ZNF561: variants seen among roughly 807,000 people sequenced by gnomAD.
ZNF561 encodes zinc finger protein 561.
In ZNF561, 16 loss-of-function variants were observed where a neutral mutation model predicts 16.7. The observed-to-expected ratio is 0.96, with a 90% CI of 0.65 to 1.45. The LOEUF (loss-of-function observed/expected upper bound fraction) is 1.45. Ranked by LOEUF, ZNF561 falls within the 40% of genes most tolerant of loss-of-function variation. The pLI, the probability that ZNF561 is intolerant of heterozygous loss-of-function variation, is 0.00. For synonymous variants in ZNF561, 190 were observed against 192.1 expected, an observed-to-expected ratio of 0.99 and a Z score of 0.09; for missense variants, 580 against 578.0, an observed-to-expected ratio of 1.00 and a Z score of -0.04.
chr19:9,607,772 C>A lies in ZNF561; in HGVS notation c.*2428G>T, dbSNP rs150564907. 3 of 152,068 alleles carry A rather than the reference C, an allele frequency of 2.0e-5. No homozygotes were observed. The highest frequency in any genetic ancestry group is 2.9e-5 in the Non-Finnish European group (2 of 68,028). 9.4% of individuals were successfully genotyped at this position (152,068 alleles called of 1,614,324 possible). A position where few individuals can be genotyped will look rare whatever the true frequency, so the allele number is the denominator to read the frequency against. ...GATTATGTGATTGTCTATGTGGAAACGGAAAAGAATCATATTAAGTACTTT... is the reference window on the plus strand; with the variant it reads ...GATTATGTGATTGTCTATGTGGAAAAGGAAAAGAATCATATTAAGTACTTT... On this transcript the variant is annotated 3_prime_UTR_variant, in exon 6 of 6. Coordinates refer to ENST00000302851, the MANE Select transcript of ZNF561 (RefSeq NM_152289.3).
chr19:9,610,123 A>C lies in ZNF561; in HGVS notation c.*77T>G. The C allele has an allele frequency of 1.5e-6, 2 of 1,323,764 alleles. No homozygotes were observed. Among genetic ancestry groups the C allele is most frequent in the South Asian group, 1.4e-5 (1 of 69,240 alleles). The allele number at this position is 1,323,764 out of a possible 1,614,324, so 82.0% of individuals were successfully genotyped here. A position where few individuals can be genotyped will look rare whatever the true frequency, so the allele number is the denominator to read the frequency against. On this transcript the variant is annotated 3_prime_UTR_variant, in exon 6 of 6. Coordinates refer to ENST00000302851, the MANE Select transcript of ZNF561 (RefSeq NM_152289.3). ...CTAAGGCCAATCCATGAGTCATTAC[A>C]ACCTCCAAAAGGCATTTAGGACAAA...
At chr19:9,617,653 T>C (rs190253098) in intron 3 of ZNF561, 24 of 457,102 alleles carry the variant, frequency 5.3e-5, no homozygotes, top group Admixed American at 1.6e-4. Context: ...ATTACAGGCA[T>C]GAGCCACTGC....
chr19:9,618,058 A>T (rs776244587), intron 3 of ZNF561, 33 bp downstream of exon 3: 2 of 1,532,160 alleles, frequency 1.3e-6, no homozygotes, highest in Non-Finnish European at 1.8e-6. Context: ...ATGAAAGCAT[A>T]TCATTTTTAA....
chr19:9,611,031 T>G lies in ZNF561; in HGVS notation c.630A>C (p.Ala210=). 6.2e-7 allele frequency: 1 copy of G among 1,614,154 alleles called. No individual in the cohort carries two copies. The highest frequency in any genetic ancestry group is 8.5e-7 in the Non-Finnish European group (1 of 1,180,014). ...GGATTCCCATATGATTATCAAGGCT[T>G]GCAAAATACTTAAAGCCTTTTCCAC... is the stretch of plus-strand genomic sequence containing the variant. The part of the protein sequence containing the change: ...KECGKGFKYF[A]SLDNHMGIHT... Residue 210 remains alanine (A), a synonymous_variant, in exon 6 of 6, where the codon GCA becomes GCC. Coordinates refer to ENST00000302851, the MANE Select transcript of ZNF561 (RefSeq NM_152289.3).
At position 9,614,059 on chromosome 19, in the gene ZNF561, C is replaced by T. The variant is rs370551757; in HGVS notation, c.286G>A (p.Gly96Ser). ...PRTKRSSLQQ[G>S]FLKNQIFSGI... ...CTGAATATTTGATTCTTCAAAAAACCCTGCTGAAGTGATGACCGTTTGGTT... is the reference window on the plus strand; with the variant it reads ...CTGAATATTTGATTCTTCAAAAAACTCTGCTGAAGTGATGACCGTTTGGTT... Residue 96 changes from glycine to serine, a missense_variant, in exon 5 of 6, where the codon GGT becomes AGT. Gly to Ser is a moderately conservative substitution (Grantham distance 56). Transcript: ENST00000302851. The T allele has an allele frequency of 2.7e-5, 44 of 1,613,950 alleles. No individual in the cohort carries two copies. In the African/African-American group the frequency reaches 5.5e-4, roughly 20 times the overall value.
At chr19:9,614,313 G>A (rs989444981) in intron 4 of ZNF561, 1 of 520,368 alleles carries the variant, frequency 1.9e-6, no homozygotes, top group Non-Finnish European at 3.4e-6. Flanking sequence ...AACTACTTCT[G>A]TAAAAATTAA....
Position 9,610,441 on chromosome 19 carries a change from C to T in ZNF561, c.1220G>A (p.Arg407His), listed in dbSNP as rs200504800. ...ECGKTFITSS[R>H]RSKHLKTHSG... ...ATGAGTTTTCAAATGTTTACTACGA[C>T]GGGAAGAAGTAATGAAGGTCTTCCC... is the stretch of plus-strand genomic sequence containing the variant. Residue 407 changes from arginine (R) to histidine (H), a missense_variant, in exon 6 of 6, where the codon CGT becomes CAT. Arg to His is a conservative substitution (Grantham distance 29). Coordinates refer to ENST00000302851, the MANE Select transcript of ZNF561 (RefSeq NM_152289.3). 4.7e-5 allele frequency: 76 copies of T among 1,611,184 alleles called. No homozygotes were observed. The Middle Eastern group carries it at 1.5e-3, about 32-fold the overall frequency.
At position 9,607,973 on chromosome 19, in the gene ZNF561, GC is replaced by G. The variant is rs1392636822; in HGVS notation, c.*2226del. On this transcript the variant is annotated 3_prime_UTR_variant, in exon 6 of 6. Transcript: ENST00000302851. Reference sequence around the variant, plus strand: ...TGCAACCTGTGCCTCCCAGGTTCATGCCATTCTCCTGCCTCAGCCTCCCGAG... The same window carrying G: ...TGCAACCTGTGCCTCCCAGGTTCATGCATTCTCCTGCCTCAGCCTCCCGAG... The G allele has an allele frequency of 6.6e-6, 1 of 152,194 alleles. No homozygotes were observed. The highest frequency in any genetic ancestry group is 1.5e-5 in the Non-Finnish European group (1 of 68,108). 9.4% of individuals were successfully genotyped at this position (152,194 alleles called of 1,614,324 possible).
At position 9,610,603 on chromosome 19, in the gene ZNF561, G is replaced by C; in HGVS notation, c.1058C>G (p.Ser353Cys). Residue 353 changes from serine (S) to cysteine (C), a missense_variant, in exon 6 of 6, where the codon TCT (serine) becomes TGT (cysteine). Physicochemically the swap from Ser to Cys is moderately radical, Grantham distance 112. Transcript: ENST00000302851. ...GQAFAQYSGL[S>C]IHIRSHSGKK... ...TCCACTGTGACTTCGTATGTGTATAGAAAGGCCCGAGTACTGAGCAAAGGC... is the reference window on the plus strand; with the variant it reads ...TCCACTGTGACTTCGTATGTGTATACAAAGGCCCGAGTACTGAGCAAAGGC... The C allele has an allele frequency of 6.2e-7, 1 of 1,613,544 alleles. No homozygotes were observed.
rs2074405252 is a variant in ZNF561, at chr19:9,609,370, C to G, written c.*830G>C. On this transcript the variant is annotated 3_prime_UTR_variant, in exon 6 of 6. Transcript: ENST00000302851. ...TCAGGGTCTCCATGACCCAGCTGGT[C>G]TCAGCAAAAATGCAAAAGGAGACCT... The G allele has an allele frequency of 6.6e-6, 1 of 152,048 alleles. No individual in the cohort carries two copies. Among genetic ancestry groups the G allele is most frequent in the Non-Finnish European group, 1.5e-5 (1 of 68,026 alleles). The allele number at this position is 152,048 out of a possible 1,614,324, so 9.4% of individuals were successfully genotyped here. A position where few individuals can be genotyped will look rare whatever the true frequency, so the allele number is the denominator to read the frequency against.
chr19:9,620,210 C>G (rs1021638896), intron 1 of ZNF561, among the ~76,000 whole-genome samples: 6 of 152,174 alleles, frequency 3.9e-5, no homozygotes, highest in African/African-American at 1.2e-4. Flanking sequence ...AGGCCTCAGC[C>G]TCCCGAGTAG....
intron 5 of ZNF561, among the ~76,000 whole-genome samples, chr19:9,611,974 C>A (rs1285865452): frequency 6.6e-6 from 1 of 152,148 alleles, no homozygotes; most frequent in Non-Finnish European, 1.5e-5. Context: ...GTAGCCCAGG[C>A]TGGAGTGCAA....
chr19:9,620,624 T>G (rs187906288), intron 1 of ZNF561, among the ~76,000 whole-genome samples: 143 of 152,232 alleles, frequency 9.4e-4, no homozygotes, highest in African/African-American at 3.3e-3. Flanking sequence ...TATATGGTGT[T>G]ACCCCCCCGC....
rs2074588005 is a variant in ZNF561 at position 9,617,945 on chromosome 19, T to C, written c.114+146A>G. The C allele has an allele frequency of 5.4e-6, 4 of 741,750 alleles. No homozygotes were observed. In the African/African-American group the frequency reaches 7.0e-5, roughly 13 times the overall value. The allele number at this position is 741,750 out of a possible 1,614,324, so 45.9% of individuals were successfully genotyped here. On this transcript the variant is annotated intron_variant, in intron 3 of 5. Coordinates refer to ENST00000302851, the MANE Select transcript of ZNF561 (RefSeq NM_152289.3). ...TTTATGTATAGGAGACTTCATTCCC[T>C]GGGGAAATTCATCTGGGGACTCAGT...
chr19:9,621,019 G>C (rs1377941279), intron 1 of ZNF561, 143 bp downstream of exon 1: 1 of 152,340 alleles, frequency 6.6e-6, no homozygotes, highest in Non-Finnish European at 1.5e-5. Flanking sequence ...CAGCCTCTCC[G>C]AACTGGACGC....
chr19:9,617,749 C>G (rs2074583778), intron 3 of ZNF561: 2 of 459,532 alleles, frequency 4.4e-6, no homozygotes, highest in African/African-American at 2.0e-5. Context: ...CCTCAGCACA[C>G]TGCAGATACC....
Position 9,610,590 on chromosome 19 carries a change from T to C in ZNF561, c.1071A>G (p.Arg357=), listed in dbSNP as rs2074430429. The C allele has an allele frequency of 1.2e-6, 2 of 1,613,352 alleles. No individual in the cohort carries two copies. The highest frequency in any genetic ancestry group is 2.2e-5 in the South Asian group (2 of 91,050). The change falls in exon 6 of 6, where the codon CGA becomes CGG. Residue 357 remains arginine, a synonymous_variant. Coordinates refer to ENST00000302851, the MANE Select transcript of ZNF561 (RefSeq NM_152289.3). ...GATAGGGTTTCTTTCCACTGTGACT[T>C]CGTATGTGTATAGAAAGGCCCGAGT... ...AQYSGLSIHI[R]SHSGKKPYQC...
At chr19:9,620,168 C>T (rs944903980) in intron 1 of ZNF561, among the ~76,000 whole-genome samples, 1 of 152,166 alleles carries the variant, frequency 6.6e-6, no homozygotes, top group Non-Finnish European at 1.5e-5. Context: ...CAACTCATTG[C>T]AACCTCTGCC....
At position 9,610,802 on chromosome 19, in the gene ZNF561, C is replaced by T; in HGVS notation, c.859G>A (p.Gly287Arg). ...GEKSFECKEC[G>R]RSFRNSSCLN... ...CATGAGGAATTTCTAAAGGATCTTC[C>T]ACATTCTTTACATTCAAAGGACTTC... Residue 287 changes from glycine (G) to arginine (R), a missense_variant, in exon 6 of 6, where the codon GGA becomes AGA. Gly to Arg is a moderately radical substitution (Grantham distance 125). Coordinates refer to ENST00000302851, the MANE Select transcript of ZNF561 (RefSeq NM_152289.3). 1 of 1,614,064 alleles carries T rather than the reference C, an allele frequency of 6.2e-7. No homozygotes were observed. The highest frequency in any genetic ancestry group is 8.5e-7 in the Non-Finnish European group (1 of 1,179,992).
Sources: allele counts gnomAD v4.1 joint callset (sites outside exome capture counted in the v4.1 genomes callset), GRCh38; gene constraint gnomAD v4.1.1; transcripts MANE v1.5; gene names NCBI Gene and HGNC (gene_info 2026-07-23, HGNC 2026-07-21).